Variants in MCC observed in about 807,000 individuals in gnomAD.
The protein encoded by MCC is MCC regulator of Wnt signaling pathway.
MCC carries 90 observed loss-of-function variants against 116.2 expected under a neutral mutation model. That is an observed-to-expected ratio of 0.77 (90% CI 0.65 to 0.92). The LOEUF (loss-of-function observed/expected upper bound fraction) is 0.92. Among genes scored for constraint, MCC ranks in the 40% least tolerant of loss-of-function variants. The pLI, the probability that MCC is intolerant of heterozygous loss-of-function variation, is 0.00. For synonymous variants in MCC, 578 were observed against 510.5 expected (o/e 1.13, Z -1.78); for missense variants, 1,516 against 1,312.2 (o/e 1.16, Z -2.40).
In MCC at chr5:113,488,399, C is replaced by T; in HGVS notation, c.16G>A (p.Ala6Thr). 2.9e-6 allele frequency: 4 copies of T among 1,398,524 alleles called. No individual in the cohort carries two copies. Among genetic ancestry groups the T allele is most frequent in the Non-Finnish European group, 3.7e-6 (4 of 1,088,002 alleles). The allele number at this position is 1,398,524 out of a possible 1,614,324, so 86.6% of individuals were successfully genotyped here. The change falls in exon 1 of 19, where the codon GCG (alanine) becomes ACG (threonine). Residue 6 changes from alanine (A) to threonine (T), a missense_variant. Ala to Thr is a moderately conservative substitution (Grantham distance 58). Transcript: ENST00000408903. MMAAA[A>T]AAAAGSSSSG... ...CTGGAGCTCCCCGCAGCCGCTGCCG[C>T]CGCGGCCGCCATCATGCGCCCGCTC... is the stretch of plus-strand genomic sequence containing the variant.
chr5:113,237,283 A>G (rs1460635072), intron 3 of MCC, among the ~76,000 whole-genome samples: 3 of 152,194 alleles, frequency 2.0e-5, no homozygotes, highest in Non-Finnish European at 4.4e-5. Flanking sequence ...CTACTTTTTA[A>G]TGACTACATT....
chr5:113,131,625 G>A (rs1281427137), intron 5 of MCC, among the ~76,000 whole-genome samples: 1 of 152,040 alleles, frequency 6.6e-6, no homozygotes, highest in African/African-American at 2.4e-5. Context: ...GTGAGTAAAG[G>A]CCACCAAGAG....
chr5:113,107,249 G>A (rs1347008602), intron 6 of MCC, among the ~76,000 whole-genome samples: 5 of 134,906 alleles, frequency 3.7e-5, no homozygotes, highest in African/African-American at 8.3e-5. Flanking sequence ...ATGGAGTCTC[G>A]CTCTGTCTCC....
At chr5:113,389,017 C>T (rs929590372) in intron 1 of MCC, among the ~76,000 whole-genome samples, 4 of 152,284 alleles carry the variant, frequency 2.6e-5, no homozygotes, top group African/African-American at 4.8e-5. Flanking sequence ...GAATTAACAA[C>T]GCTTTTATAT....
chr5:113,125,138 A>G (rs1020255712), intron 5 of MCC, among the ~76,000 whole-genome samples: 5 of 152,228 alleles, frequency 3.3e-5, no homozygotes, highest in African/African-American at 1.2e-4. Flanking sequence ...TTGACTAGGC[A>G]GTGTGAGCAA....
At chr5:113,207,987 C>G (rs1190358553) in intron 3 of MCC, among the ~76,000 whole-genome samples, 1 of 152,060 alleles carries the variant, frequency 6.6e-6, no homozygotes, top group Non-Finnish European at 1.5e-5. Flanking sequence ...AATTATCCAG[C>G]TAAATGCTTA....
intron 11 of MCC, 81 bp from the exon 12 acceptor site, chr5:113,071,315 G>T: frequency 6.8e-7 from 1 of 1,469,554 alleles, no homozygotes; most frequent in South Asian, 1.3e-5. Flanking sequence ...TATATTCAGG[G>T]CAGAAAAGCA....
At chr5:113,418,211 C>T (rs961947863) in intron 1 of MCC, among the ~76,000 whole-genome samples, 2 of 151,144 alleles carry the variant, frequency 1.3e-5, no homozygotes, top group Admixed American at 6.6e-5. Flanking sequence ...TAATGAACCC[C>T]GTTTAAATAG....
intron 13 of MCC, among the ~76,000 whole-genome samples, chr5:113,065,274 G>A (rs184373993): frequency 2.6e-5 from 4 of 152,150 alleles, no homozygotes; most frequent in Admixed American, 6.5e-5. Flanking sequence ...AAACGGGGGA[G>A]GCCGTGCATG....
At chr5:113,176,226 A>G (rs1761324903) in intron 3 of MCC, among the ~76,000 whole-genome samples, 1 of 152,158 alleles carries the variant, frequency 6.6e-6, no homozygotes, top group Non-Finnish European at 1.5e-5. Flanking sequence ...TGACATAAGA[A>G]CAAGGGGGAT....
intron 1 of MCC, among the ~76,000 whole-genome samples, chr5:113,470,427 T>C (rs893951223): frequency 3.8e-4 from 57 of 151,780 alleles, no homozygotes; most frequent in African/African-American, 1.4e-3. Context: ...ATTTTATTTC[T>C]CCTTCACTTA....
intron 3 of MCC, among the ~76,000 whole-genome samples, chr5:113,198,740 A>C (rs1229748084): frequency 6.6e-6 from 1 of 151,544 alleles, no homozygotes; most frequent in Non-Finnish European, 1.5e-5. Flanking sequence ...CAGACAGTAT[A>C]GATGTAACAA....
chr5:113,187,870 A>T (rs1761977418), intron 3 of MCC, among the ~76,000 whole-genome samples: 1 of 152,226 alleles, frequency 6.6e-6, no homozygotes, highest in Admixed American at 6.5e-5. Context: ...GCCATACTTT[A>T]GACAGAACCC....
intron 11 of MCC, among the ~76,000 whole-genome samples, chr5:113,075,708 A>G (rs1165712957): frequency 6.6e-6 from 1 of 152,032 alleles, no homozygotes; most frequent in African/African-American, 2.4e-5. Flanking sequence ...ATAAGGGAAT[A>G]AAAGCAGGCT....
At chr5:113,365,689 G>A (rs1193946161) in intron 2 of MCC, among the ~76,000 whole-genome samples, 1 of 152,176 alleles carries the variant, frequency 6.6e-6, no homozygotes, top group Non-Finnish European at 1.5e-5. Context: ...AAGAAAAGAG[G>A]TTTAACTGGC....
intron 13 of MCC, among the ~76,000 whole-genome samples, chr5:113,067,410 C>T (rs1753697796): frequency 6.6e-6 from 1 of 152,168 alleles, no homozygotes; most frequent in African/African-American, 2.4e-5. Context: ...CACTTTGAGG[C>T]AGGTGGATCA....
chr5:113,180,513 G>A lies in MCC; in HGVS notation c.628-29091C>T, dbSNP rs557027957. On this transcript the variant is annotated intron_variant, in intron 3 of 18. Transcript: ENST00000408903. ...TGCCTCGATGAGATGAGAATAGATGGACAGGAGACTATTCTTCTAGTTTGG... is the reference window on the plus strand; with the variant it reads ...TGCCTCGATGAGATGAGAATAGATGAACAGGAGACTATTCTTCTAGTTTGG... Among the ~76,000 whole-genome samples, 13 of 152,246 alleles carry A rather than the reference G, an allele frequency of 8.5e-5. No individual in the cohort carries two copies. The South Asian group carries it at 1.5e-3, about 17-fold the overall frequency.
intron 11 of MCC, among the ~76,000 whole-genome samples, chr5:113,078,652 C>T (rs983213239): frequency 4.6e-5 from 7 of 152,216 alleles, no homozygotes; most frequent in Admixed American, 2.6e-4. Flanking sequence ...ATTGATGGGA[C>T]GTATCTCAAA....
intron 3 of MCC, among the ~76,000 whole-genome samples, chr5:113,157,086 CCTTGAACT>C (rs1183757388): frequency 6.6e-6 from 1 of 152,174 alleles, no homozygotes; most frequent in Non-Finnish European, 1.5e-5. Context: ...CATAAGGTGC[CCTTGAACT>C]CTGCAGTCCA....
Sources: allele counts gnomAD v4.1 joint callset (sites outside exome capture counted in the v4.1 genomes callset), GRCh38; gene constraint gnomAD v4.1.1; transcripts MANE v1.5; gene names NCBI Gene and HGNC (gene_info 2026-07-23, HGNC 2026-07-21).